Variants in LRFN2 observed in about 807,000 individuals in gnomAD.
LRFN2 encodes the protein leucine rich repeat and fibronectin type III domain containing 2, also known as leucine-rich repeat and fibronectin type-III domain-containing protein 2.
Under a neutral mutation model 37.3 loss-of-function variants are expected in LRFN2, and 18 were observed. The observed-to-expected ratio is 0.48, with a 90% CI of 0.33 to 0.72. The LOEUF (loss-of-function observed/expected upper bound fraction) is 0.72. Ranked by LOEUF, LRFN2 falls within the 30% of genes least tolerant of loss-of-function variation. The probability of loss-of-function intolerance (pLI) is 0.02; values close to 1 mark genes in which losing one functional copy is unlikely to be tolerated. For synonymous variants in LRFN2, 556 were observed against 466.6 expected (o/e 1.19, Z -2.47); for missense variants, 1,006 against 1,060.7 (o/e 0.95, Z 0.72).
chr6:40,553,881 C>G (rs896271139), intron 1 of LRFN2, among the ~76,000 whole-genome samples: 1 of 152,284 alleles, frequency 6.6e-6, no homozygotes, highest in East Asian at 1.9e-4. Context: ...TGCTTCTCAC[C>G]TCTGGGGTCT....
chr6:40,505,886 C>G (rs190763038), intron 1 of LRFN2, among the ~76,000 whole-genome samples: 1 of 152,188 alleles, frequency 6.6e-6, no homozygotes, highest in South Asian at 2.1e-4. Context: ...ATCCAAGGCA[C>G]GTGGAGATGG....
intron 1 of LRFN2, among the ~76,000 whole-genome samples, chr6:40,558,983 C>T (rs999660197): frequency 3.3e-5 from 5 of 152,098 alleles, no homozygotes; most frequent in Non-Finnish European, 7.3e-5. Context: ...CAGAGGAAGG[C>T]TAGCTGGGAA....
At chr6:40,484,150 C>T (rs965928834) in intron 1 of LRFN2, among the ~76,000 whole-genome samples, 2 of 152,168 alleles carry the variant, frequency 1.3e-5, no homozygotes, top group African/African-American at 4.8e-5. Flanking sequence ...TGAGACAGTA[C>T]CAACTGCCTC....
chr6:40,422,023 G>C (rs920328162), intron 2 of LRFN2, among the ~76,000 whole-genome samples: 7 of 152,170 alleles, frequency 4.6e-5, no homozygotes, highest in Non-Finnish European at 7.3e-5. Context: ...CCCATGTCTG[G>C]AGCCCCTGAT....
chr6:40,556,305 T>C (rs1255281737), intron 1 of LRFN2, among the ~76,000 whole-genome samples: 2 of 152,172 alleles, frequency 1.3e-5, no homozygotes, highest in Non-Finnish European at 2.9e-5. Flanking sequence ...CAGGCCCTTT[T>C]CTGGGGCTCT....
chr6:40,455,711 C>A (rs1044086374), intron 1 of LRFN2, among the ~76,000 whole-genome samples: 2 of 152,058 alleles, frequency 1.3e-5, no homozygotes, highest in Non-Finnish European at 2.9e-5. Flanking sequence ...CATAAGAGCA[C>A]AAGATATCAG....
chr6:40,512,245 C>T (rs1765731310), intron 1 of LRFN2, among the ~76,000 whole-genome samples: 1 of 152,150 alleles, frequency 6.6e-6, no homozygotes, highest in East Asian at 1.9e-4. Flanking sequence ...TCTCCCTTTG[C>T]CTGCACTTAG....
intron 1 of LRFN2, among the ~76,000 whole-genome samples, chr6:40,441,853 T>C (rs1763844677): frequency 1.3e-5 from 2 of 152,158 alleles, no homozygotes; most frequent in Admixed American, 1.3e-4. Context: ...GTTTCAAGCA[T>C]CTTTAATTCT....
chr6:40,406,196 G>A (rs535743770), intron 2 of LRFN2, among the ~76,000 whole-genome samples: 3 of 152,320 alleles, frequency 2.0e-5, no homozygotes, highest in South Asian at 2.1e-4. Flanking sequence ...ATACAGCCCC[G>A]TCGCAGGGTT....
chr6:40,521,204 G>A (rs114900888), intron 1 of LRFN2, among the ~76,000 whole-genome samples: 1,939 of 152,220 alleles, frequency 0.013, 38 homozygotes, highest in African/African-American at 0.042. Context: ...AAAGAAGGGA[G>A]GATGAGAAGG....
At chr6:40,440,175 A>G (rs1016435835) in intron 1 of LRFN2, among the ~76,000 whole-genome samples, 2 of 152,238 alleles carry the variant, frequency 1.3e-5, no homozygotes, top group Non-Finnish European at 2.9e-5. Flanking sequence ...AAAGGGCAGA[A>G]TGAGCCCATT....
intron 1 of LRFN2, among the ~76,000 whole-genome samples, chr6:40,509,237 G>C (rs1321748542): frequency 6.6e-6 from 1 of 152,202 alleles, no homozygotes; most frequent in Non-Finnish European, 1.5e-5. Flanking sequence ...GAATAATCTT[G>C]TTCTCTTAAC....
intron 2 of LRFN2, among the ~76,000 whole-genome samples, chr6:40,410,047 G>A (rs755899481): frequency 6.6e-6 from 1 of 152,166 alleles, no homozygotes; most frequent in Non-Finnish European, 1.5e-5. Flanking sequence ...AGGGTGGGGA[G>A]AGTGACGACC....
At chr6:40,478,194 C>T (rs1306114019) in intron 1 of LRFN2, among the ~76,000 whole-genome samples, 2 of 152,190 alleles carry the variant, frequency 1.3e-5, no homozygotes, top group Non-Finnish European at 2.9e-5. Flanking sequence ...CTTTCTCTTC[C>T]TGTCTCCACC....
At chr6:40,507,104 C>T (rs1258782003) in intron 1 of LRFN2, among the ~76,000 whole-genome samples, 2 of 152,200 alleles carry the variant, frequency 1.3e-5, no homozygotes, top group African/African-American at 2.4e-5. Context: ...TGACGTCCTC[C>T]GCCCTTGGAT....
At chr6:40,575,558 AG>A (rs951181795) in intron 1 of LRFN2, among the ~76,000 whole-genome samples, 1 of 152,188 alleles carries the variant, frequency 6.6e-6, no homozygotes, top group African/African-American at 2.4e-5. Flanking sequence ...ATTGGGGTAA[AG>A]GAACTTGGCC....
At chr6:40,510,942 G>A (rs1324174932) in intron 1 of LRFN2, among the ~76,000 whole-genome samples, 1 of 152,142 alleles carries the variant, frequency 6.6e-6, no homozygotes, top group Non-Finnish European at 1.5e-5. Context: ...GATAGGGAGG[G>A]GAAGCCAGAA....
At chr6:40,507,907 A>C in intron 1 of LRFN2, among the ~76,000 whole-genome samples, 1 of 152,214 alleles carries the variant, frequency 6.6e-6, no homozygotes, top group East Asian at 1.9e-4. Flanking sequence ...ATAATGGCTA[A>C]CAAATGTGTG....
intron 1 of LRFN2, among the ~76,000 whole-genome samples, chr6:40,511,593 G>A (rs1430700306): frequency 6.6e-6 from 1 of 152,128 alleles, no homozygotes; most frequent in African/African-American, 2.4e-5. Context: ...TCTCTGTCTG[G>A]GAGACATTAT....
Sources: allele counts gnomAD v4.1 joint callset (sites outside exome capture counted in the v4.1 genomes callset), GRCh38; gene constraint gnomAD v4.1.1; transcripts MANE v1.5; gene names NCBI Gene and HGNC (gene_info 2026-07-23, HGNC 2026-07-21).